The following MYO18A variants were observed in gnomAD, a reference collection of about 807,000 sequenced individuals.
MYO18A encodes unconventional myosin-XVIIIa.
In MYO18A, 78 loss-of-function variants were observed where a neutral mutation model predicts 235.8. That is an observed-to-expected ratio of 0.33 (90% CI 0.28 to 0.40). The LOEUF is 0.40. MYO18A is among the 10% of genes least tolerant of loss of function. The pLI, the probability that MYO18A is intolerant of heterozygous loss-of-function variation, is 1.00. For synonymous variants in MYO18A, 977 were observed against 1,077.8 expected, an observed-to-expected ratio of 0.91 and a Z score of 1.83; for missense variants, 2,215 against 2,699.3, an observed-to-expected ratio of 0.82 and a Z score of 3.98.
At chr17:29,169,560 G>C (rs2068355981) in intron 1 of MYO18A, among the ~76,000 whole-genome samples, 1 of 152,088 alleles carries the variant, frequency 6.6e-6, no homozygotes, top group African/African-American at 2.4e-5. Flanking sequence ...ATGGGGTGTG[G>C]CACAGACCTA....
At chr17:29,075,089 G>A (rs2065942396) in intron 41 of MYO18A, 175 bp from the exon 42 acceptor site, 2 of 687,454 alleles carry the variant, frequency 2.9e-6, no homozygotes, top group African/African-American at 1.8e-5. Flanking sequence ...CTAAGAGGAA[G>A]GAGACTCTGG....
chr17:29,105,634 T>C (rs72815786), intron 20 of MYO18A, among the ~76,000 whole-genome samples: 4,117 of 151,850 alleles, frequency 0.027, 75 homozygotes, highest in Non-Finnish European at 0.035. Context: ...TGGAGCCTGA[T>C]GTCCTGAGAT....
Position 29,103,642 on chromosome 17 carries a change from C to T in MYO18A, c.3464G>A (p.Cys1155Tyr), listed in dbSNP as rs1218440486. The change falls in exon 21 of 42, where the codon TGC becomes TAC. Residue 1155 changes from cysteine to tyrosine, a missense_variant. By Grantham distance (194) the Cys-to-Tyr change is radical (BLOSUM62 -2). Transcript: ENST00000527372. ...GCAGCTGCTCTTCTCCAGATCCAAGCACTCCAGCAGCTCCTCCACTGCCTG... is the reference window on the plus strand; with the variant it reads ...GCAGCTGCTCTTCTCCAGATCCAAGTACTCCAGCAGCTCCTCCACTGCCTG... ...ERRAVEELLE[C>Y]LDLEKSSCCM... is the part of the protein sequence containing the mutation. The T allele has an allele frequency of 6.2e-7, 1 of 1,613,868 alleles. No individual in the cohort carries two copies. The highest frequency in any genetic ancestry group is 1.3e-5 in the African/African-American group (1 of 75,076).
At chr17:29,124,702 G>A (rs1332801136) in intron 2 of MYO18A, 3 of 1,281,958 alleles carry the variant, frequency 2.3e-6, no homozygotes, top group Non-Finnish European at 3.0e-6. Context: ...CCGACAGCAA[G>A]CAAAGGAGAG....
At position 29,121,451 on chromosome 17, in the gene MYO18A, G is replaced by A; in HGVS notation, c.1371+96C>T. 1 of 1,325,436 alleles carries A rather than the reference G, an allele frequency of 7.5e-7. No individual in the cohort carries two copies. The highest frequency in any genetic ancestry group is 2.5e-5 in the East Asian group (1 of 40,054). 82.1% of individuals were successfully genotyped at this position (1,325,436 alleles called of 1,614,324 possible). A position where few individuals can be genotyped will look rare whatever the true frequency, so the allele number is the denominator to read the frequency against. On this transcript the variant is annotated intron_variant, in intron 5 of 41. Coordinates refer to ENST00000527372, the MANE Select transcript of MYO18A (RefSeq NM_078471.4). This position sits in a 1 kb window ranked among gnomAD's most constrained non-coding sequence, Gnocchi z 4.2. ...TCTTCCCAAGGTCAACTGTGAGAGT[G>A]GACAGGAGCCCAGTGGGGTGCCACA... is the stretch of plus-strand genomic sequence containing the variant.
chr17:29,154,069 G>A (rs1598384482), intron 2 of MYO18A, among the ~76,000 whole-genome samples: 1 of 151,862 alleles, frequency 6.6e-6, no homozygotes, highest in East Asian at 1.9e-4. Context: ...AGGGGTCTGG[G>A]AGAAAAGGAC....
chr17:29,086,985 C>T lies in MYO18A; in HGVS notation c.5663G>A (p.Gly1888Asp). The change falls in exon 38 of 42, where the codon GGC (glycine) becomes GAC (aspartate). Residue 1888 changes from glycine (G) to aspartate (D), a missense_variant. Coordinates refer to ENST00000527372, the MANE Select transcript of MYO18A (RefSeq NM_078471.4). ...RQLRDTKEEM[G>D]ELARKEAEAS... ...CTCGGCCTCCTTCCTGGCAAGCTCG[C>T]CCATCTCCTCCTTGGTGTCCCGGAG... The T allele has an allele frequency of 6.2e-7, 1 of 1,613,968 alleles. No individual in the cohort carries two copies.
chr17:29,146,347 C>T (rs1257043430), intron 2 of MYO18A, among the ~76,000 whole-genome samples: 1 of 152,090 alleles, frequency 6.6e-6, no homozygotes, highest in Admixed American at 6.6e-5. Context: ...AAATGTATGA[C>T]ACATATAGGA....
intron 20 of MYO18A, among the ~76,000 whole-genome samples, chr17:29,104,158 C>T (rs1021754827): frequency 6.6e-6 from 1 of 152,086 alleles, no homozygotes; most frequent in African/African-American, 2.4e-5. Context: ...CCATGTGCTT[C>T]GGGAGCCCCT....
Position 29,084,107 on chromosome 17 carries a change from C to T in MYO18A, c.5897+1497G>A, listed in dbSNP as rs576614740. ...CCCAGAGCTGCTGAGGAAGGAGCCA[C>T]ACCACCTCTCTGCCATCAGCCGGAA... On this transcript the variant is annotated intron_variant, in intron 40 of 41. Coordinates refer to ENST00000527372, the MANE Select transcript of MYO18A (RefSeq NM_078471.4). 1.5e-4 allele frequency among the ~76,000 whole-genome samples: 23 copies of T among 152,322 alleles called. No homozygotes were observed. In the South Asian group the frequency reaches 4.8e-3, roughly 32 times the overall value.
chr17:29,135,171 C>T (rs1167607748), intron 2 of MYO18A, among the ~76,000 whole-genome samples: 1 of 151,478 alleles, frequency 6.6e-6, no homozygotes, highest in Non-Finnish European at 1.5e-5. Flanking sequence ...TGCAATCTTG[C>T]CTCACTGCAA....
chr17:29,097,694 G>C, intron 26 of MYO18A, 94 bp downstream of exon 26: 1 of 1,078,832 alleles, frequency 9.3e-7, no homozygotes, highest in Non-Finnish European at 1.4e-6. Context: ...CCATGGAGGG[G>C]AGACAGGCCT....
Position 29,092,429 on chromosome 17 carries a change from C to A in MYO18A, c.5101G>T (p.Ala1701Ser), listed in dbSNP as rs759425061. The change falls in exon 34 of 42, where the codon GCA (alanine) becomes TCA (serine). Residue 1701 changes from alanine to serine, a missense_variant. By Grantham distance (99) the Ala-to-Ser change is moderately conservative (BLOSUM62 1). Transcript: ENST00000527372. ...QLEESEFTCA[A>S]AVKARKAMEV... ...ATTGCTTTCCGTGCTTTCACGGCTG[C>A]CGCACAGGTGAACTCTGACTCCTCC... The A allele has an allele frequency of 1.2e-6, 2 of 1,612,044 alleles. No individual in the cohort carries two copies. Among genetic ancestry groups the A allele is most frequent in the Non-Finnish European group, 1.7e-6 (2 of 1,179,724 alleles).
chr17:29,110,565 G>A lies in MYO18A; in HGVS notation c.2958C>T (p.Gly986=). The part of the protein sequence containing the change: ...GRAGSATVLS[G]SIAGLEGGSQ... ...AGCCGCCCTCCAGGCCCGCGATGGA[G>A]CCAGAGAGCACCGTGGCACTGCCTG... Residue 986 remains glycine, a synonymous_variant, in exon 18 of 42, where the codon GGC becomes GGT. Coordinates refer to ENST00000527372, the MANE Select transcript of MYO18A (RefSeq NM_078471.4). 1 of 1,612,926 alleles carries A rather than the reference G, an allele frequency of 6.2e-7. No homozygotes were observed. Among genetic ancestry groups the A allele is most frequent in the Non-Finnish European group, 8.5e-7 (1 of 1,179,554 alleles).
intron 1 of MYO18A, among the ~76,000 whole-genome samples, chr17:29,173,779 A>AT (rs202113489): frequency 6.6e-6 from 1 of 151,608 alleles, no homozygotes; most frequent in Non-Finnish European, 1.5e-5. Context: ...GAAAAAAAAA[A>AT]ATTTTTTTAA....
In MYO18A at chr17:29,086,929, G is replaced by T. The variant is rs779191170; in HGVS notation, c.5712+7C>A. The T allele has an allele frequency of 1.9e-6, 3 of 1,610,252 alleles. No homozygotes were observed. The highest frequency in any genetic ancestry group is 2.5e-6 in the Non-Finnish European group (3 of 1,177,970). On this transcript the variant is annotated splice_region_variant and intron_variant, in intron 38 of 41. Coordinates refer to ENST00000527372, the MANE Select transcript of MYO18A (RefSeq NM_078471.4). Reference sequence around the variant, plus strand: ...ATGTGGGCCCCGTGGGGGACAGGGGGCATTACCAGTTCGTGCTTCTTGCGG... The same window carrying T: ...ATGTGGGCCCCGTGGGGGACAGGGGTCATTACCAGTTCGTGCTTCTTGCGG...
chr17:29,099,981 G>T (rs2066615022), intron 21 of MYO18A, among the ~76,000 whole-genome samples: 1 of 152,132 alleles, frequency 6.6e-6, no homozygotes. Context: ...GGCAGGGGAG[G>T]GGTAAGGTGT....
chr17:29,086,893 A>G, intron 38 of MYO18A, 43 bp downstream of exon 38: 3 of 1,575,088 alleles, frequency 1.9e-6, no homozygotes, highest in Non-Finnish European at 2.6e-6. Context: ...GCAGCTACTC[A>G]AGGGGCTGCC....
At chr17:29,168,513 G>A (rs1329517185) in intron 1 of MYO18A, among the ~76,000 whole-genome samples, 1 of 151,710 alleles carries the variant, frequency 6.6e-6, no homozygotes, top group Non-Finnish European at 1.5e-5. Flanking sequence ...GTTTCACACA[G>A]AGGATCTACA....
Sources: gnomAD v4.1 joint callset for allele counts (sites outside exome capture counted in the v4.1 genomes callset) on GRCh38, gnomAD v4.1.1 for gene constraint, Gnocchi (gnomAD v3.1) non-coding constraint, MANE v1.5 for transcripts, NCBI Gene and HGNC (gene_info 2026-07-23, HGNC 2026-07-21) for gene names.